Variants in HMG20A observed in about 807,000 individuals in gnomAD.
HMG20A encodes high mobility group protein 20A.
HMG20A carries 17 observed loss-of-function variants against 43.9 expected under a neutral mutation model. The observed-to-expected ratio is 0.39, with a 90% CI of 0.27 to 0.58. HMG20A has a LOEUF of 0.58. HMG20A is among the 20% of genes least tolerant of loss of function. HMG20A has a pLI of 0.59. For missense variants in HMG20A, 341 were observed against 438.2 expected, an observed-to-expected ratio of 0.78 and a Z score of 1.98; for synonymous variants, 132 against 147.5, an observed-to-expected ratio of 0.89 and a Z score of 0.76.
At chr15:77,422,051 A>G (rs371376112) in intron 1 of HMG20A, among the ~76,000 whole-genome samples, 19 of 152,304 alleles carry the variant, frequency 1.2e-4, no homozygotes, top group African/African-American at 4.3e-4. Flanking sequence ...AATAAACTAT[A>G]TGTGAGGCGG....
At chr15:77,451,222 A>G (rs1307200789) in intron 1 of HMG20A, among the ~76,000 whole-genome samples, 1 of 152,236 alleles carries the variant, frequency 6.6e-6, no homozygotes, top group Non-Finnish European at 1.5e-5. Flanking sequence ...TACTATAAAC[A>G]TCTGTGTGCA....
At chr15:77,426,391 G>A (rs2073428140) in intron 1 of HMG20A, among the ~76,000 whole-genome samples, 1 of 152,136 alleles carries the variant, frequency 6.6e-6, no homozygotes, top group Non-Finnish European at 1.5e-5. Flanking sequence ...TATGTTACAT[G>A]TACTATGTAC....
chr15:77,462,013 C>A (rs1223596030), intron 2 of HMG20A, among the ~76,000 whole-genome samples: 4 of 152,064 alleles, frequency 2.6e-5, no homozygotes, highest in African/African-American at 9.7e-5. Context: ...AATGTAGGAA[C>A]CTCCTGCTAA....
chr15:77,506,874 C>T, the HMG20A span, among the ~76,000 whole-genome samples: 4 of 152,220 alleles, frequency 2.6e-5, no homozygotes, highest in Non-Finnish European at 4.4e-5. Context: ...GGAAGGTCGG[C>T]CAGCGCCTCC....
chr15:77,501,908 T>C, the HMG20A span, among the ~76,000 whole-genome samples: 1 of 152,180 alleles, frequency 6.6e-6, no homozygotes, highest in Non-Finnish European at 1.5e-5. Flanking sequence ...AAACACCAGA[T>C]GCCTTAACCA....
chr15:77,461,512 G>T (rs2072704912), intron 2 of HMG20A, among the ~76,000 whole-genome samples: 1 of 152,190 alleles, frequency 6.6e-6, no homozygotes, highest in African/African-American at 2.4e-5. Context: ...GAGGGTGTGA[G>T]ATCAAGGGTG....
chr15:77,481,062 T>C (rs190332265), intron 9 of HMG20A, among the ~76,000 whole-genome samples: 3 of 152,286 alleles, frequency 2.0e-5, no homozygotes, highest in African/African-American at 7.2e-5. Context: ...TATACATAAT[T>C]TATATTCTGG....
At chr15:77,519,745 G>T in the HMG20A span, among the ~76,000 whole-genome samples, 1 of 152,262 alleles carries the variant, frequency 6.6e-6, no homozygotes, top group Admixed American at 6.5e-5. Flanking sequence ...GTATTTTGTT[G>T]TCATGGCAGG....
chr15:77,422,337 T>A (rs1332423102), intron 1 of HMG20A, among the ~76,000 whole-genome samples: 4 of 152,178 alleles, frequency 2.6e-5, no homozygotes, highest in Non-Finnish European at 5.9e-5. Context: ...ATAGTTTTTT[T>A]AAAAAGCTGT....
intron 4 of HMG20A, among the ~76,000 whole-genome samples, chr15:77,468,725 GTA>G (rs988165004): frequency 6.6e-6 from 1 of 152,038 alleles, no homozygotes; most frequent in African/African-American, 2.4e-5. Flanking sequence ...ATTTCAGTGT[GTA>G]TGTCAAAGAA....
At chr15:77,507,602 C>T in the HMG20A span, among the ~76,000 whole-genome samples, 351 of 152,304 alleles carry the variant, frequency 2.3e-3, 1 homozygote, top group African/African-American at 7.8e-3. Context: ...CCAAGCCACG[C>T]GAAGGGCTGC....
chr15:77,468,568 G>T (rs911908438), intron 4 of HMG20A, among the ~76,000 whole-genome samples: 7 of 132,382 alleles, frequency 5.3e-5, no homozygotes, highest in Non-Finnish European at 1.2e-4. Flanking sequence ...TGCATGCTCA[G>T]TCTTTCTCTC....
At chr15:77,509,662 T>C in the HMG20A span, among the ~76,000 whole-genome samples, 99 of 147,514 alleles carry the variant, frequency 6.7e-4, no homozygotes, top group African/African-American at 2.3e-3. Context: ...TCCTAGCACT[T>C]TGGGAGGCCG....
chr15:77,475,977 A>G (rs77783550), intron 6 of HMG20A, among the ~76,000 whole-genome samples: 6 of 152,226 alleles, frequency 3.9e-5, no homozygotes, highest in Admixed American at 1.3e-4. Context: ...GAAGAAAAAT[A>G]CAAGTAGAAA....
chr15:77,505,802 G>A, the HMG20A span, among the ~76,000 whole-genome samples: 4 of 152,240 alleles, frequency 2.6e-5, no homozygotes, highest in African/African-American at 9.6e-5. Flanking sequence ...TGCAAGCTCA[G>A]GGGCTCCCGG....
At chr15:77,466,773 C>T (rs1300197033) in intron 3 of HMG20A, among the ~76,000 whole-genome samples, 1 of 152,192 alleles carries the variant, frequency 6.6e-6, no homozygotes, top group Non-Finnish European at 1.5e-5. Flanking sequence ...CAGTCATATG[C>T]ATATGAAGGT....
the HMG20A span, among the ~76,000 whole-genome samples, chr15:77,507,689 A>G: frequency 6.6e-6 from 1 of 152,148 alleles, no homozygotes; most frequent in Non-Finnish European, 1.5e-5. Flanking sequence ...GGGCAGTTTT[A>G]CTTCCTTGCC....
rs1224883359 is a variant in HMG20A at position 77,454,361 on chromosome 15, G to A, written c.-4-4043G>A. 2.0e-5 allele frequency among the ~76,000 whole-genome samples: 3 copies of A among 152,100 alleles called. No individual in the cohort carries two copies. In the Middle Eastern group the frequency reaches 0.01, roughly 517 times the overall value. On this transcript the variant is annotated intron_variant, in intron 1 of 9. Transcript: ENST00000336216. ...ACCACTGAGTTGTATGTAGTAAAGG[G>A]GTGAACTTTATGGTATATCAATTAT...
the HMG20A span, among the ~76,000 whole-genome samples, chr15:77,492,842 A>G: frequency 6.6e-6 from 1 of 151,950 alleles, no homozygotes; most frequent in African/African-American, 2.4e-5. Context: ...GAAGAGGAAG[A>G]AGAAGAGCAT....
Sources: allele counts gnomAD v4.1 joint callset (sites outside exome capture counted in the v4.1 genomes callset), GRCh38; gene constraint gnomAD v4.1.1; transcripts MANE v1.5; gene names NCBI Gene and HGNC (gene_info 2026-07-23, HGNC 2026-07-21).